The following ANKRD17 variants were observed in gnomAD, a reference collection of about 807,000 sequenced individuals.
ANKRD17 encodes ankyrin repeat domain 17, also known as ankyrin repeat domain-containing protein 17.
Under a neutral mutation model 229.7 loss-of-function variants are expected in ANKRD17, and 19 were observed. The observed-to-expected ratio is 0.08, with a 90% confidence interval of 0.06 to 0.12. The LOEUF (loss-of-function observed/expected upper bound fraction) is 0.12, where lower values mean the gene tolerates loss of function less well. ANKRD17 is among the 10% of genes least tolerant of loss of function. The pLI, the probability that ANKRD17 is intolerant of heterozygous loss-of-function variation, is 1.00. For missense variants in ANKRD17, 2,176 were observed against 3,176.8 expected (o/e 0.68, Z 7.57); for synonymous variants, 1,112 against 1,146.1 (o/e 0.97, Z 0.60).
In ANKRD17 at chr4:73,077,527, A is replaced by G. The variant is rs1299253366; in HGVS notation, c.7415T>C (p.Val2472Ala). The G allele has an allele frequency of 1.3e-6, 2 of 1,582,750 alleles. No homozygotes were observed. The highest frequency in any genetic ancestry group is 1.7e-6 in the Non-Finnish European group (2 of 1,166,726). The part of the protein sequence containing the change: ...FEGIGGNQDK[V>A]DWCNPGMGNP... The stretch of plus-strand genomic sequence containing the variant: ...TCCCATCCCAGGGTTACACCAGTCT[A>G]CTTTGTCTGAGGGCAAACAAAGAGG... Residue 2472 changes from valine (V) to alanine (A), a missense_variant, in exon 32 of 34, where the codon GTA (valine) becomes GCA (alanine). Physicochemically the swap from Val to Ala is moderately conservative, Grantham distance 64 (BLOSUM62 0). Transcript: ENST00000358602.
chr4:73,135,216 A>G lies in ANKRD17; in HGVS notation c.3135T>C (p.Ile1045=), dbSNP rs377681897. 1.6e-5 allele frequency: 26 copies of G among 1,613,744 alleles called. No individual in the cohort carries two copies. Among genetic ancestry groups the G allele is most frequent in the African/African-American group, 2.7e-5 (2 of 74,928 alleles). ...SAMSNTPTHS[I]AASISQPQTP... is the part of the protein sequence containing the mutation. ...TCTGAGGTTGGGAAATGGATGCAGC[A>G]ATACTGTGGGTAGGAGTGTTTGACA... is the stretch of plus-strand genomic sequence containing the variant. Residue 1045 remains isoleucine, a synonymous_variant, in exon 16 of 34, where the codon ATT becomes ATC. Transcript: ENST00000358602.
chr4:73,199,529 G>A (rs1738371154), intron 1 of ANKRD17, among the ~76,000 whole-genome samples: 1 of 151,968 alleles, frequency 6.6e-6, no homozygotes, highest in South Asian at 2.1e-4. Flanking sequence ...CTTCTACCTG[G>A]AATTCATGAA....
rs542961790 is a variant in ANKRD17 at position 73,081,961 on chromosome 4, C to T, written c.7160-3071G>A. Among the ~76,000 whole-genome samples the T allele has an allele frequency of 1.9e-4, 29 of 152,048 alleles. No homozygotes were observed. In the South Asian group the frequency reaches 4.6e-3, roughly 24 times the overall value. On this transcript the variant is annotated intron_variant, in intron 30 of 33. Transcript: ENST00000358602. ...AGGAGTTTGAGATCAGGCTGGGCAA[C>T]GTGGTAAAACCTCATCTCTACAAAA...
In ANKRD17 at chr4:73,203,758, CAAA is replaced by C. The variant is rs67020753; in HGVS notation, c.394-26228_394-26226del. On this transcript the variant is annotated intron_variant, in intron 1 of 33. Coordinates refer to ENST00000358602, the MANE Select transcript of ANKRD17 (RefSeq NM_032217.5). ...TGGGCGACAGAGCGAGACTCCGTCT[CAAA>C]AAAAAAAAAAAAAAAAAAGAAAAAG... is the stretch of plus-strand genomic sequence containing the variant. Among the ~76,000 whole-genome samples, 110 of 82,138 alleles carry C rather than the reference CAAA, an allele frequency of 1.3e-3. 1 individual carries two copies. Among genetic ancestry groups the C allele is most frequent in the African/African-American group, 5.3e-3 (104 of 19,440 alleles). The allele number at this position is 82,138 out of a possible 152,430, so 53.9% of individuals were successfully genotyped here. A position where few individuals can be genotyped will look rare whatever the true frequency, so the allele number is the denominator to read the frequency against.
intron 2 of ANKRD17, among the ~76,000 whole-genome samples, chr4:73,169,750 CTG>C (rs2148955465): frequency 6.6e-6 from 1 of 152,336 alleles, no homozygotes; most frequent in East Asian, 1.9e-4. Context: ...GTGCAAAGAA[CTG>C]TGCAACTGTA....
At chr4:73,217,317 A>G (rs772228032) in intron 1 of ANKRD17, among the ~76,000 whole-genome samples, 1 of 152,256 alleles carries the variant, frequency 6.6e-6, no homozygotes, top group Non-Finnish European at 1.5e-5. Context: ...CTTTACAGGG[A>G]TTAACTAACA....
chr4:73,227,723 T>C (rs957053241), intron 1 of ANKRD17, among the ~76,000 whole-genome samples: 4 of 152,220 alleles, frequency 2.6e-5, no homozygotes, highest in South Asian at 2.1e-4. Flanking sequence ...AATACCTAGA[T>C]TGAATGAAAG....
rs537565382 is a variant in ANKRD17, at chr4:73,100,696, G to A, written c.4573+1680C>T. 1.1e-5 allele frequency: 3 copies of A among 280,356 alleles called. No homozygotes were observed. In the South Asian group the frequency reaches 4.1e-4, roughly 38 times the overall value. 17.4% of individuals were successfully genotyped at this position (280,356 alleles called of 1,614,324 possible). On this transcript the variant is annotated intron_variant, in intron 25 of 33. Transcript: ENST00000358602. ...CCTCAAACAACTCAAAAAAAGAGAA[G>A]ACACAACCCATGTGTGCCAAAATGT...
At chr4:73,210,330 A>G (rs1740083458) in intron 1 of ANKRD17, among the ~76,000 whole-genome samples, 1 of 152,204 alleles carries the variant, frequency 6.6e-6, no homozygotes, top group Non-Finnish European at 1.5e-5. Context: ...ATTAGCAGTT[A>G]CAATAATATC....
chr4:73,189,612 C>T (rs1195111289), intron 1 of ANKRD17, among the ~76,000 whole-genome samples: 2 of 152,074 alleles, frequency 1.3e-5, no homozygotes, highest in African/African-American at 2.4e-5. Context: ...AGGCGTGAGC[C>T]ATCGCACTCA....
chr4:73,103,734 T>C (rs899140493), intron 24 of ANKRD17, among the ~76,000 whole-genome samples: 10 of 152,138 alleles, frequency 6.6e-5, no homozygotes, highest in Non-Finnish European at 1.5e-5. Flanking sequence ...CCAAACAATA[T>C]TTAGTTTTCA....
At chr4:73,085,081 C>T (rs1342251426) in intron 30 of ANKRD17, among the ~76,000 whole-genome samples, 168 bp downstream of exon 30, 2 of 152,050 alleles carry the variant, frequency 1.3e-5, no homozygotes, top group Non-Finnish European at 2.9e-5. Context: ...TTGATAGAAC[C>T]TAGGTTGATT....
At chr4:73,148,457 A>T (rs1309261039) in intron 8 of ANKRD17, among the ~76,000 whole-genome samples, 2 of 152,160 alleles carry the variant, frequency 1.3e-5, no homozygotes, top group Non-Finnish European at 2.9e-5. Context: ...TAGATCTATT[A>T]AATACTTATT....
chr4:73,225,861 CAAAAAAAAA>C (rs375866026), intron 1 of ANKRD17, among the ~76,000 whole-genome samples: 3 of 66,696 alleles, frequency 4.5e-5, no homozygotes, highest in Non-Finnish European at 7.8e-5. Context: ...GACTCTGTCT[CAAAAAAAAA>C]AAAAAAAAAA....
At chr4:73,195,266 C>T (rs1737696645) in intron 1 of ANKRD17, among the ~76,000 whole-genome samples, 2 of 152,038 alleles carry the variant, frequency 1.3e-5, no homozygotes, top group South Asian at 2.1e-4. Flanking sequence ...GGACTGTTTG[C>T]TAATATTCTA....
chr4:73,094,969 G>A (rs577577487), intron 27 of ANKRD17, among the ~76,000 whole-genome samples: 1 of 151,484 alleles, frequency 6.6e-6, no homozygotes, highest in Non-Finnish European at 1.5e-5. Context: ...TCAGGAGTTC[G>A]AGACCAGCCT....
chr4:73,171,178 G>GGAGAGAGAGAGAGAGAGAGAGAGA (rs56882212), intron 2 of ANKRD17, among the ~76,000 whole-genome samples: 16 of 104,498 alleles, frequency 1.5e-4, no homozygotes, highest in African/African-American at 2.4e-4. Context: ...CTCAGAGGGG[G>GGAGAGAGAGAGAGAGAGAGAGAGA]GAGAGAGAGA....
At chr4:73,084,529 A>G (rs981545174) in intron 30 of ANKRD17, among the ~76,000 whole-genome samples, 1 of 149,554 alleles carries the variant, frequency 6.7e-6, no homozygotes, top group Non-Finnish European at 1.5e-5. Context: ...GCTCACTGCA[A>G]CCTCCGCCTC....
chr4:73,125,343 T>A, intron 16 of ANKRD17, 31 bp from the exon 17 acceptor site: 1 of 1,431,866 alleles, frequency 7.0e-7, no homozygotes, highest in Non-Finnish European at 9.7e-7. Context: ...GTTAGTTTAT[T>A]AAATAACTTA....
Sources: allele counts gnomAD v4.1 joint callset (sites outside exome capture counted in the v4.1 genomes callset), GRCh38; gene constraint gnomAD v4.1.1; transcripts MANE v1.5; gene names NCBI Gene and HGNC (gene_info 2026-07-23, HGNC 2026-07-21).